The following EXOC4 variants were observed in gnomAD, a reference collection of about 807,000 sequenced individuals.
EXOC4 encodes the protein SEC8-like 1.
EXOC4 carries 71 observed loss-of-function variants against 107.2 expected under a neutral mutation model. That is an observed-to-expected ratio of 0.66 (90% confidence interval 0.55 to 0.81). The LOEUF (loss-of-function observed/expected upper bound fraction) is 0.81, where lower values mean the gene tolerates loss of function less well. Among genes scored for constraint, EXOC4 ranks in the 30% least tolerant of loss-of-function variants. The probability of loss-of-function intolerance (pLI) is 0.00; values close to 1 mark genes in which losing one functional copy is unlikely to be tolerated. For missense variants in EXOC4, 1,108 were observed against 1,189.6 expected, an observed-to-expected ratio of 0.93 and a Z score of 1.01; for synonymous variants, 456 against 441.2, an observed-to-expected ratio of 1.03 and a Z score of -0.42.
rs1379491489 is a variant in EXOC4 at position 133,437,846 on chromosome 7, T to C, written c.1183-37482T>C. Among the ~76,000 whole-genome samples the C allele has an allele frequency of 3.9e-5, 6 of 152,326 alleles. No individual in the cohort carries two copies. In the East Asian group the frequency reaches 1.2e-3, roughly 29 times the overall value. On this transcript the variant is annotated intron_variant, in intron 7 of 17. Transcript: ENST00000253861. ...ATTATACAAATATGTCTTTTTCATT[T>C]TTCTTGTCAAAGACAAATTAAAAAG...
At chr7:133,358,257 A>G (rs1170476643) in intron 6 of EXOC4, among the ~76,000 whole-genome samples, 1 of 152,204 alleles carries the variant, frequency 6.6e-6, no homozygotes, top group Non-Finnish European at 1.5e-5. Flanking sequence ...TAAATATTTG[A>G]TGGGTTTTGG....
At chr7:133,798,271 A>G (rs894573152) in intron 10 of EXOC4, among the ~76,000 whole-genome samples, 1 of 148,624 alleles carries the variant, frequency 6.7e-6, no homozygotes, top group Non-Finnish European at 1.5e-5. Flanking sequence ...ACATAAACAT[A>G]GGATATTGTG....
intron 7 of EXOC4, among the ~76,000 whole-genome samples, chr7:133,427,706 G>A (rs1195141688): frequency 2.6e-5 from 4 of 152,104 alleles, no homozygotes; most frequent in Non-Finnish European, 5.9e-5. Context: ...TCTCTTTGCC[G>A]GTTTTCTCCA....
chr7:133,610,517 T>G (rs1162036456), intron 9 of EXOC4, among the ~76,000 whole-genome samples: 2 of 152,170 alleles, frequency 1.3e-5, no homozygotes, highest in East Asian at 3.9e-4. Context: ...GAATATAATT[T>G]TAACTCCTTT....
chr7:133,492,958 G>A (rs555163660), intron 9 of EXOC4, among the ~76,000 whole-genome samples: 1 of 46,006 alleles, frequency 2.2e-5, no homozygotes, highest in Admixed American at 3.0e-4. Context: ...CTGGGGACTA[G>A]TTAGAGGTTC....
In EXOC4 at chr7:133,915,315, A is replaced by G. The variant is rs148801425; in HGVS notation, c.1872-2268A>G. Among the ~76,000 whole-genome samples, 297 of 152,322 alleles carry G rather than the reference A, an allele frequency of 1.9e-3. 2 individuals carry two copies. The highest frequency in any genetic ancestry group is 6.7e-3 in the African/African-American group (280 of 41,568). On this transcript the variant is annotated intron_variant, in intron 12 of 17. Transcript: ENST00000253861. ...GGAATATATAGTGGAAAGAGTAAAAATACAGGAAAAAGGGGAGATAGGTCG... is the reference window on the plus strand; with the variant it reads ...GGAATATATAGTGGAAAGAGTAAAAGTACAGGAAAAAGGGGAGATAGGTCG...
chr7:133,841,987 G>A lies in EXOC4; in HGVS notation c.1734+24443G>A, dbSNP rs115698182. Among the ~76,000 whole-genome samples the A allele has an allele frequency of 2.4e-3, 366 of 152,230 alleles. 5 individuals carry two copies. The highest frequency in any genetic ancestry group is 8.2e-3 in the African/African-American group (341 of 41,556). ...CTCCATCCATGTTGCTGCAAAGAACGTGAGTTCATTCTTTTTTAGTATTCC... is the reference window on the plus strand; with the variant it reads ...CTCCATCCATGTTGCTGCAAAGAACATGAGTTCATTCTTTTTTAGTATTCC... On this transcript the variant is annotated intron_variant, in intron 11 of 17. Coordinates refer to ENST00000253861, the MANE Select transcript of EXOC4 (RefSeq NM_021807.4).
Position 133,434,693 on chromosome 7 carries a change from C to G in EXOC4, c.1183-40635C>G, listed in dbSNP as rs575106346. Among the ~76,000 whole-genome samples, 5 of 152,236 alleles carry G rather than the reference C, an allele frequency of 3.3e-5. No individual in the cohort carries two copies. The East Asian group carries it at 9.6e-4, about 29-fold the overall frequency. ...CACCATTGATGTTGCTTCAAAGATACTTTGAGCTTGTTTAACCAATTTTTT... is the reference window on the plus strand; with the variant it reads ...CACCATTGATGTTGCTTCAAAGATAGTTTGAGCTTGTTTAACCAATTTTTT... On this transcript the variant is annotated intron_variant, in intron 7 of 17. Coordinates refer to ENST00000253861, the MANE Select transcript of EXOC4 (RefSeq NM_021807.4).
chr7:133,545,587 T>G (rs1462132419), intron 9 of EXOC4, among the ~76,000 whole-genome samples: 1 of 152,194 alleles, frequency 6.6e-6, no homozygotes, highest in Non-Finnish European at 1.5e-5. Flanking sequence ...TTAAAAAATT[T>G]TCCTTTCTGT....
intron 7 of EXOC4, among the ~76,000 whole-genome samples, chr7:133,450,319 C>T (rs1337501175): frequency 1.3e-5 from 2 of 152,050 alleles, no homozygotes; most frequent in African/African-American, 4.8e-5. Context: ...GGTGTGTCAC[C>T]ACACCCATTT....
At chr7:133,412,170 G>C (rs1797371548) in intron 7 of EXOC4, among the ~76,000 whole-genome samples, 1 of 151,232 alleles carries the variant, frequency 6.6e-6, no homozygotes, top group Non-Finnish European at 1.5e-5. Flanking sequence ...TGACTGCTGG[G>C]TCAAAGTTAG....
chr7:133,285,933 A>T (rs1257732612), intron 2 of EXOC4, among the ~76,000 whole-genome samples: 1 of 151,400 alleles, frequency 6.6e-6, no homozygotes, highest in Admixed American at 6.6e-5. Flanking sequence ...CTGATTTTTT[A>T]ATTTATGGTG....
chr7:133,760,788 G>T (rs1337947465), intron 10 of EXOC4, among the ~76,000 whole-genome samples: 1 of 151,696 alleles, frequency 6.6e-6, no homozygotes, highest in African/African-American at 2.4e-5. Flanking sequence ...CTATCAGGTT[G>T]ATTTAAAAGG....
intron 7 of EXOC4, among the ~76,000 whole-genome samples, chr7:133,475,044 T>C (rs543528173): frequency 6.6e-6 from 1 of 152,302 alleles, no homozygotes; most frequent in South Asian, 2.1e-4. Context: ...ATTAACTCAC[T>C]CAGCACAATA....
intron 10 of EXOC4, among the ~76,000 whole-genome samples, chr7:133,669,427 G>A (rs987868567): frequency 6.6e-6 from 1 of 152,238 alleles, no homozygotes; most frequent in Non-Finnish European, 1.5e-5. Context: ...ACCTGTGTGG[G>A]TGTGGGGAGG....
In EXOC4 at chr7:133,409,035, A is replaced by C. The variant is rs189367939; in HGVS notation, c.1182+34033A>C. Among the ~76,000 whole-genome samples the C allele has an allele frequency of 3.3e-5, 5 of 152,334 alleles. No homozygotes were observed. The East Asian group carries it at 9.6e-4, about 29-fold the overall frequency. ...TCTGGAGTGACTGCATAAAAAAAGAAGTATAATCAAAATCGGATAAACCTC... is the reference window on the plus strand; with the variant it reads ...TCTGGAGTGACTGCATAAAAAAAGACGTATAATCAAAATCGGATAAACCTC... On this transcript the variant is annotated intron_variant, in intron 7 of 17. Coordinates refer to ENST00000253861, the MANE Select transcript of EXOC4 (RefSeq NM_021807.4).
intron 10 of EXOC4, among the ~76,000 whole-genome samples, chr7:133,796,689 C>T (rs560446082): frequency 2.6e-5 from 4 of 152,168 alleles, no homozygotes; most frequent in Admixed American, 1.3e-4. Flanking sequence ...ACCTGAGAGG[C>T]GGAGGTTGCA....
At chr7:133,618,304 T>C (rs1186181289) in intron 9 of EXOC4, among the ~76,000 whole-genome samples, 1 of 152,148 alleles carries the variant, frequency 6.6e-6, no homozygotes, top group Non-Finnish European at 1.5e-5. Flanking sequence ...AGAGCTTTTT[T>C]TTTTAAAGTT....
At chr7:133,800,974 A>T (rs1256560339) in intron 10 of EXOC4, among the ~76,000 whole-genome samples, 4 of 152,170 alleles carry the variant, frequency 2.6e-5, no homozygotes, top group Admixed American at 6.5e-5. Context: ...CCTTCTTTTG[A>T]TGAGTAAATG....
Sources: gnomAD v4.1 joint callset for allele counts (sites outside exome capture counted in the v4.1 genomes callset) on GRCh38, gnomAD v4.1.1 for gene constraint, MANE v1.5 for transcripts, NCBI Gene and HGNC (gene_info 2026-07-23, HGNC 2026-07-21) for gene names.